Variants in ADGRV1 observed in about 807,000 individuals in gnomAD.
ADGRV1 encodes G-protein coupled receptor 98.
A neutral mutation model predicts 596.2 loss-of-function variants in ADGRV1; 359 were observed. That is an observed-to-expected ratio of 0.60 (90% CI 0.55 to 0.66). The LOEUF is 0.66. Ranked by LOEUF, ADGRV1 falls within the 30% of genes least tolerant of loss-of-function variation. The pLI is 0.00. For missense variants in ADGRV1, 7,274 were observed against 7,575.6 expected, an observed-to-expected ratio of 0.96 and a Z score of 1.48; for synonymous variants, 2,681 against 2,679.2, an observed-to-expected ratio of 1.00 and a Z score of -0.02.
intron 85 of ADGRV1, among the ~76,000 whole-genome samples, chr5:91,043,275 T>C (rs1785518999): frequency 6.6e-6 from 1 of 152,172 alleles, no homozygotes; most frequent in African/African-American, 2.4e-5. Context: ...CAGATACAGT[T>C]CTGTTAAATA....
intron 87 of ADGRV1, among the ~76,000 whole-genome samples, chr5:91,110,279 G>A (rs1273335588): frequency 1.3e-5 from 2 of 152,046 alleles, no homozygotes; most frequent in Non-Finnish European, 2.9e-5. Context: ...TACTCAGCTG[G>A]TAGGCCCTGG....
intron 59 of ADGRV1, among the ~76,000 whole-genome samples, chr5:90,769,017 A>T (rs1004623608): frequency 1.3e-5 from 2 of 152,108 alleles, no homozygotes; most frequent in African/African-American, 4.8e-5. Context: ...GAGTTTTATA[A>T]TCTTGTGTTG....
intron 83 of ADGRV1, among the ~76,000 whole-genome samples, chr5:90,958,888 C>A (rs1777734477): frequency 6.6e-6 from 1 of 152,158 alleles, no homozygotes; most frequent in Non-Finnish European, 1.5e-5. Context: ...ATACTTAATG[C>A]TGAAAAACTG....
chr5:91,007,082 A>G (rs909497954), intron 85 of ADGRV1, among the ~76,000 whole-genome samples: 3 of 152,226 alleles, frequency 2.0e-5, no homozygotes, highest in Non-Finnish European at 4.4e-5. Flanking sequence ...CGGTTATGCC[A>G]GAAGGAAAGT....
chr5:90,805,879 C>T (rs1761856688), intron 72 of ADGRV1, among the ~76,000 whole-genome samples: 1 of 152,098 alleles, frequency 6.6e-6, no homozygotes, highest in African/African-American at 2.4e-5. Flanking sequence ...ACCATTAGGT[C>T]TTTGAGAGCT....
chr5:90,809,578 G>GAGGATTTAATATA (rs1762253050), intron 73 of ADGRV1, among the ~76,000 whole-genome samples: 1 of 151,946 alleles, frequency 6.6e-6, no homozygotes, highest in South Asian at 2.1e-4. Flanking sequence ...CTCCCTAAAG[G>GAGGATTTAATATA]CATTTAAATT....
At chr5:91,001,483 T>TG (rs1781853374) in intron 85 of ADGRV1, among the ~76,000 whole-genome samples, 1 of 152,222 alleles carries the variant, frequency 6.6e-6, no homozygotes, top group African/African-American at 2.4e-5. Context: ...TTTTTGTTGC[T>TG]ATTTTTTTAA....
chr5:90,888,171 G>A (rs1322221135), intron 83 of ADGRV1, among the ~76,000 whole-genome samples: 2 of 152,102 alleles, frequency 1.3e-5, no homozygotes, highest in Admixed American at 1.3e-4. Context: ...GATCTGTCAT[G>A]TCACATTTAT....
At chr5:90,597,742 A>T (rs1437761551) in intron 1 of ADGRV1, among the ~76,000 whole-genome samples, 2 of 145,516 alleles carry the variant, frequency 1.4e-5, no homozygotes, top group Non-Finnish European at 3.0e-5. Context: ...GAGAGAGAAG[A>T]GAAGAGAGGA....
Position 90,778,997 on chromosome 5 carries a change from G to T in ADGRV1, c.12982G>T (p.Glu4328Ter). 4 of 1,613,462 alleles carry T rather than the reference G, an allele frequency of 2.5e-6. No individual in the cohort carries two copies. The highest frequency in any genetic ancestry group is 3.4e-6 in the Non-Finnish European group (4 of 1,179,502). ...AAGELLFEAG[E>*]MRKSLHVEIL... ...AGGGGAGCTCCTCTTTGAAGCAGGG[G>T]AGATGAGGAAAAGTCTGCATGTTGA... Residue 4328 changes from glutamate (E) to a stop codon, truncating the protein, a stop_gained, in exon 64 of 90, where the codon GAG (glutamate) becomes TAG (stop). Coordinates refer to ENST00000405460, the MANE Select transcript of ADGRV1 (RefSeq NM_032119.4). LOFTEE classifies it high-confidence loss of function.
At chr5:90,975,383 T>A (rs1345748503) in intron 84 of ADGRV1, among the ~76,000 whole-genome samples, 1 of 152,168 alleles carries the variant, frequency 6.6e-6, no homozygotes, top group Non-Finnish European at 1.5e-5. Flanking sequence ...ATCATGCTGC[T>A]ATAAAGACAC....
intron 85 of ADGRV1, among the ~76,000 whole-genome samples, chr5:90,990,951 A>G (rs912364445): frequency 2.6e-5 from 4 of 152,174 alleles, no homozygotes; most frequent in Non-Finnish European, 4.4e-5. Context: ...TGCAAAGTGT[A>G]GGGAGGGGAA....
Position 90,617,884 on chromosome 5 carries a change from G to A in ADGRV1, c.288G>A (p.Val96=). The A allele has an allele frequency of 6.3e-7, 1 of 1,596,978 alleles. No individual in the cohort carries two copies. The highest frequency in any genetic ancestry group is 1.3e-5 in the African/African-American group (1 of 74,818). The change falls in exon 3 of 90, where the codon GTG becomes GTA. Residue 96 remains valine (V), a synonymous_variant. Transcript: ENST00000405460. ...FIPAGETNRT[V]YIAVCDDDLP... ...CTGCCGGAGAAACAAACAGAACAGT[G>A]TACATAGCAGTATGTGATGATGACT...
intron 75 of ADGRV1, among the ~76,000 whole-genome samples, chr5:90,817,230 A>G (rs978064802): frequency 4.0e-5 from 6 of 150,714 alleles, no homozygotes; most frequent in Admixed American, 1.3e-4. Flanking sequence ...GTGTCTGTTC[A>G]TGTCCTTCAC....
chr5:90,852,492 C>T (rs1032770345), intron 79 of ADGRV1, among the ~76,000 whole-genome samples: 8 of 152,112 alleles, frequency 5.3e-5, no homozygotes, highest in African/African-American at 1.9e-4. Flanking sequence ...TGATTGTTTG[C>T]AAACATGATG....
At chr5:90,819,251 T>C (rs900164584) in intron 75 of ADGRV1, among the ~76,000 whole-genome samples, 30 of 151,842 alleles carry the variant, frequency 2.0e-4, no homozygotes, top group Admixed American at 5.9e-4. Flanking sequence ...TCTGTGGGAT[T>C]GGTGGTGATA....
intron 76 of ADGRV1, among the ~76,000 whole-genome samples, chr5:90,824,239 C>G (rs1763874235): frequency 6.6e-6 from 1 of 152,160 alleles, no homozygotes; most frequent in South Asian, 2.1e-4. Flanking sequence ...GGTCTTTTGT[C>G]TTTTCAATAT....
At chr5:90,831,667 T>G (rs554176006) in intron 77 of ADGRV1, among the ~76,000 whole-genome samples, 1 of 152,256 alleles carries the variant, frequency 6.6e-6, no homozygotes, top group Admixed American at 6.5e-5. Context: ...GTATTCATTC[T>G]GACTATTTTT....
intron 85 of ADGRV1, among the ~76,000 whole-genome samples, chr5:91,045,360 C>T (rs1785711582): frequency 1.3e-5 from 2 of 152,118 alleles, no homozygotes; most frequent in Admixed American, 1.3e-4. Context: ...AGGTTTCATA[C>T]CAGGCATGCA....
Sources: allele counts gnomAD v4.1 joint callset (sites outside exome capture counted in the v4.1 genomes callset), GRCh38; gene constraint gnomAD v4.1.1; transcripts MANE v1.5; gene names NCBI Gene and HGNC (gene_info 2026-07-23, HGNC 2026-07-21).